PEG3: variants seen among roughly 807,000 people sequenced by gnomAD.
PEG3 encodes the protein paternally-expressed gene 3 protein.
PEG3 carries 23 observed loss-of-function variants against 35.5 expected under a neutral mutation model. The observed-to-expected ratio is 0.65, with a 90% CI of 0.47 to 0.92. PEG3 has a LOEUF of 0.92. Ranked by LOEUF, PEG3 falls within the 40% of genes least tolerant of loss-of-function variation. The pLI, the probability that PEG3 is intolerant of heterozygous loss-of-function variation, is 0.00. For synonymous variants in PEG3, 707 were observed against 697.0 expected, an observed-to-expected ratio of 1.01 and a Z score of -0.23; for missense variants, 1,960 against 1,985.3, an observed-to-expected ratio of 0.99 and a Z score of 0.24.
intron 7 of PEG3, among the ~76,000 whole-genome samples, chr19:56,820,599 C>A (rs992160837): frequency 6.6e-6 from 1 of 152,238 alleles, no homozygotes; most frequent in Non-Finnish European, 1.5e-5. Flanking sequence ...TCCCCCAACA[C>A]CTGACCCGGC....
chr19:56,825,904 T>A (rs565631867), intron 3 of PEG3, among the ~76,000 whole-genome samples: 1 of 152,210 alleles, frequency 6.6e-6, no homozygotes, highest in Admixed American at 6.5e-5. Context: ...AATGTGGTAA[T>A]CACGGTAAAC....
At chr19:56,836,657 G>A (rs962308162) in intron 1 of PEG3, among the ~76,000 whole-genome samples, 4 of 152,086 alleles carry the variant, frequency 2.6e-5, no homozygotes, top group Admixed American at 2.6e-4. Flanking sequence ...ATTTTGGTGA[G>A]GTTAAAGAGC....
intron 2 of PEG3, among the ~76,000 whole-genome samples, chr19:56,829,232 T>C (rs191061238): frequency 1.3e-4 from 20 of 151,300 alleles, no homozygotes; most frequent in Admixed American, 1.3e-4. Context: ...TAATCCCAGC[T>C]ACTCAGGAGG....
chr19:56,817,599 G>A lies in PEG3; in HGVS notation c.863-20C>T, dbSNP rs367558131. On this transcript the variant is annotated intron_variant, in intron 9 of 9. Coordinates refer to ENST00000326441, the MANE Select transcript of PEG3 (RefSeq NM_006210.3). ...TTAGACCTGGAAAGAAACCCCAAAT[G>A]TAAATACTCCCTAGTCCCCATAAGA... The A allele has an allele frequency of 6.4e-7, 1 of 1,567,866 alleles. No individual in the cohort carries two copies. Among genetic ancestry groups the A allele is most frequent in the Non-Finnish European group, 8.7e-7 (1 of 1,152,344 alleles).
rs1245667194 is a variant in PEG3 at position 56,811,689 on chromosome 19, T to C, written c.*1986A>G. 3.3e-5 allele frequency: 33 copies of C among 985,398 alleles called. No individual in the cohort carries two copies. Among genetic ancestry groups the C allele is most frequent in the Admixed American group, 6.2e-5 (1 of 16,246 alleles). The allele number at this position is 985,398 out of a possible 1,614,324, so 61.0% of individuals were successfully genotyped here. A position where few individuals can be genotyped will look rare whatever the true frequency, so the allele number is the denominator to read the frequency against. On this transcript the variant is annotated 3_prime_UTR_variant, in exon 10 of 10. Coordinates refer to ENST00000326441, the MANE Select transcript of PEG3 (RefSeq NM_006210.3). ...TCTCGTTTCAAGAGTCCTTTTCCCA[T>C]GTAGTAAACCTCACTGCCCCTCAGC...
In PEG3 at chr19:56,822,769, G is replaced by A; in HGVS notation, c.549C>T (p.Thr183=). The A allele has an allele frequency of 6.2e-7, 1 of 1,614,136 alleles. No homozygotes were observed. Among genetic ancestry groups the A allele is most frequent in the African/African-American group, 1.3e-5 (1 of 75,052 alleles). The change falls in exon 6 of 10, where the codon ACC becomes ACT. Residue 183 remains threonine, a synonymous_variant. Transcript: ENST00000326441. ...AAGACTCACTGCTTCTTGGGTTCCT[G>A]GTGTGGGACCAGCGGTCTCGTGGCT... The part of the protein sequence containing the change: ...DMEPRDRWSH[T]RNPRSRMPPR...
At chr19:56,821,172 T>A (rs1025785008) in intron 7 of PEG3, among the ~76,000 whole-genome samples, 1 of 152,246 alleles carries the variant, frequency 6.6e-6, no homozygotes, top group African/African-American at 2.4e-5. Flanking sequence ...ATATTCATTT[T>A]ACAGATGAGG....
chr19:56,818,530 T>TA, intron 8 of PEG3, 70 bp downstream of exon 8: 1 of 1,546,898 alleles, frequency 6.5e-7, no homozygotes, highest in South Asian at 1.1e-5. Context: ...ACATCCAGCT[T>TA]AAAAAGGAGC....
chr19:56,821,660 G>C lies in PEG3; in HGVS notation c.660C>G (p.Ser220=), dbSNP rs149324923. The C allele has an allele frequency of 8.9e-5, 143 of 1,613,888 alleles. No homozygotes were observed. In the African/African-American group the frequency reaches 1.8e-3, roughly 20 times the overall value. ...EDDRDSRAYE[S]RSQDAESYQN... ...GGAAACCTGAGCATACCTGAGATCG[G>C]GACTCATAAGCCCTGGAGTCCCTGT... The change falls in exon 7 of 10, where the codon TCC becomes TCG. Residue 220 remains serine, a synonymous_variant. Coordinates refer to ENST00000326441, the MANE Select transcript of PEG3 (RefSeq NM_006210.3).
chr19:56,827,469 T>C (rs756259676), intron 2 of PEG3, among the ~76,000 whole-genome samples: 2 of 151,970 alleles, frequency 1.3e-5, no homozygotes, highest in Non-Finnish European at 2.9e-5. Flanking sequence ...GGAAACTCAT[T>C]TGGGAGTAAA....
At chr19:56,823,385 G>A (rs2060691260) in intron 5 of PEG3, among the ~76,000 whole-genome samples, 2 of 152,108 alleles carry the variant, frequency 1.3e-5, no homozygotes, top group South Asian at 2.1e-4. Flanking sequence ...TGAATAAAAC[G>A]GTATTAAGTA....
intron 7 of PEG3, among the ~76,000 whole-genome samples, chr19:56,820,206 T>C (rs1386805359): frequency 6.6e-6 from 1 of 152,238 alleles, no homozygotes; most frequent in Non-Finnish European, 1.5e-5. Flanking sequence ...TGGCTCAATG[T>C]AGTTTTCACA....
chr19:56,824,610 AGGAC>A lies in PEG3; in HGVS notation c.42_45del (p.Lys14AsnfsTer9), dbSNP rs775025513. ...TCTAGCTCATACAGATTTGGGGCCC[AGGAC>A]TTCTTAGGTTTGGTGGCAGACAAGT... On this transcript the variant is annotated frameshift_variant, in exon 4 of 10. Transcript: ENST00000326441. LOFTEE classifies it high-confidence loss of function. 649 of 1,608,784 alleles carry A rather than the reference AGGAC, an allele frequency of 4.0e-4. 5 individuals carry two copies. The African/African-American group carries it at 7.0e-3, about 17-fold the overall frequency.
rs1360386334 is a variant in PEG3, at chr19:56,812,939, A to G, written c.*736T>C. ...CAAAAAGCCAATCCGTATATTGTAA[A>G]GCCTTACACAGTATTAGGTTCCAAA... On this transcript the variant is annotated 3_prime_UTR_variant, in exon 10 of 10. Transcript: ENST00000326441. The G allele has an allele frequency of 2.0e-6, 2 of 985,740 alleles. No individual in the cohort carries two copies. Among genetic ancestry groups the G allele is most frequent in the African/African-American group, 3.5e-5 (2 of 57,244 alleles). The allele number at this position is 985,740 out of a possible 1,614,324, so 61.1% of individuals were successfully genotyped here.
chr19:56,812,302 A>G lies in PEG3; in HGVS notation c.*1373T>C. On this transcript the variant is annotated 3_prime_UTR_variant, in exon 10 of 10. Transcript: ENST00000326441. ...TTAAAAGAATACTAAGATTAGATGA[A>G]CACAACACTCAGAAATACTCTAGGA... The G allele has an allele frequency of 1.0e-6, 1 of 982,380 alleles. No homozygotes were observed. Among genetic ancestry groups the G allele is most frequent in the Non-Finnish European group, 1.2e-6 (1 of 827,230 alleles). 60.9% of individuals were successfully genotyped at this position (982,380 alleles called of 1,614,324 possible).
rs760442016 is a variant in PEG3 at position 56,814,562 on chromosome 19, G to A, written c.3880C>T (p.Pro1294Ser). ...GTTACGTGATCTGCAAGTTCTGCTG[G>A]GTTGACGAAAGATTCTCCACAGACT... Reference protein sequence around the residue: ...CAVCGESFVNPAELADHVTVH... With the variant: ...CAVCGESFVNSAELADHVTVH... Residue 1294 changes from proline (P) to serine (S), a missense_variant, in exon 10 of 10, where the codon CCA becomes TCA. Pro to Ser is a moderately conservative substitution (Grantham distance 74). Around this residue, in one of 5 missense-constraint regions of PEG3, gnomAD observed 416 missense variants for 416.7 expected, o/e 1.00. Transcript: ENST00000326441. The surrounding 1 kb of genome is among the most constrained non-coding windows in gnomAD (Gnocchi z 5.8). 1.9e-4 allele frequency: 304 copies of A among 1,613,722 alleles called. No individual in the cohort carries two copies. The highest frequency in any genetic ancestry group is 2.4e-4 in the Non-Finnish European group (287 of 1,179,856).
rs2059556941 is a variant in PEG3 at position 56,811,750 on chromosome 19, T to C, written c.*1925A>G. 2 of 985,462 alleles carry C rather than the reference T, an allele frequency of 2.0e-6. No individual in the cohort carries two copies. The highest frequency in any genetic ancestry group is 6.1e-5 in the Admixed American group (1 of 16,272). The allele number at this position is 985,462 out of a possible 1,614,324, so 61.0% of individuals were successfully genotyped here. A position where few individuals can be genotyped will look rare whatever the true frequency, so the allele number is the denominator to read the frequency against. On this transcript the variant is annotated 3_prime_UTR_variant, in exon 10 of 10. Coordinates refer to ENST00000326441, the MANE Select transcript of PEG3 (RefSeq NM_006210.3). Reference sequence around the variant, plus strand: ...TCCGTTCCAACCTCAGTCCTTCCTATGCAGCCAGCCCTCACCTACACCATA... The same window carrying C: ...TCCGTTCCAACCTCAGTCCTTCCTACGCAGCCAGCCCTCACCTACACCATA...
At position 56,824,485 on chromosome 19, in the gene PEG3, A is replaced by G. The variant is rs773695921; in HGVS notation, c.171T>C (p.Phe57=). The change falls in exon 4 of 10, where the codon TTT becomes TTC. Residue 57 remains phenylalanine, a synonymous_variant. Transcript: ENST00000326441. ...QRFRNLIYVE[F]VGPRKTLIKL... ...TGATCAGGGTCTTCCGAGGCCCAAC[A>G]AATTCCACATAGATTAGGTTCCGAA... 10 of 1,613,992 alleles carry G rather than the reference A, an allele frequency of 6.2e-6. No homozygotes were observed. The highest frequency in any genetic ancestry group is 1.3e-5 in the African/African-American group (1 of 74,898).
rs1014214343 is a variant in PEG3, at chr19:56,814,584, G to A, written c.3858C>T (p.Val1286=). 1.9e-6 allele frequency: 3 copies of A among 1,614,026 alleles called. No individual in the cohort carries two copies. The highest frequency in any genetic ancestry group is 1.7e-5 in the Admixed American group (1 of 60,012). The change falls in exon 10 of 10, where the codon GTC becomes GTT. Residue 1286 remains valine, a synonymous_variant. Coordinates refer to ENST00000326441, the MANE Select transcript of PEG3 (RefSeq NM_006210.3). The surrounding 1 kb of genome is among the most constrained non-coding windows in gnomAD (Gnocchi z 5.8). The part of the protein sequence containing the change: ...QTEERLFECA[V]CGESFVNPAE... ...CTGGGTTGACGAAAGATTCTCCACAGACTGCACATTCAAAGAGTCTCTCTT... is the reference window on the plus strand; with the variant it reads ...CTGGGTTGACGAAAGATTCTCCACAAACTGCACATTCAAAGAGTCTCTCTT...
Sources: gnomAD v4.1 joint callset for allele counts (sites outside exome capture counted in the v4.1 genomes callset) on GRCh38, gnomAD v4.1.1 for gene constraint, gnomAD v4.1.1 regional missense constraint, Gnocchi (gnomAD v3.1) non-coding constraint, MANE v1.5 for transcripts, NCBI Gene and HGNC (gene_info 2026-07-23, HGNC 2026-07-21) for gene names.